Variants in COL8A1 observed in about 807,000 individuals in gnomAD.
The protein encoded by COL8A1 is collagen type VIII alpha 1 chain.
COL8A1 carries 21 observed loss-of-function variants against 42.7 expected under a neutral mutation model. The ratio of observed to expected loss-of-function variants is 0.49; its 90% confidence interval spans 0.35 to 0.71. COL8A1 has a LOEUF of 0.71. Ranked by LOEUF, COL8A1 falls within the 30% of genes least tolerant of loss-of-function variation. The pLI is 0.01. For synonymous variants in COL8A1, 367 were observed against 369.1 expected (o/e 0.99, Z 0.06); for missense variants, 788 against 962.4 (o/e 0.82, Z 2.40).
chr3:99,751,645 G>A (rs1201152043), intron 2 of COL8A1, among the ~76,000 whole-genome samples: 2 of 152,132 alleles, frequency 1.3e-5, no homozygotes, highest in African/African-American at 4.8e-5. Flanking sequence ...TCTTACTGAC[G>A]AAAAATTAGG....
intron 2 of COL8A1, among the ~76,000 whole-genome samples, chr3:99,786,903 T>C (rs1168617172): frequency 6.6e-6 from 1 of 152,136 alleles, no homozygotes; most frequent in Non-Finnish European, 1.5e-5. Flanking sequence ...CTGCCTGACT[T>C]TCCCTTGCTT....
chr3:99,683,545 T>C (rs1235590791), intron 1 of COL8A1, among the ~76,000 whole-genome samples: 1 of 152,172 alleles, frequency 6.6e-6, no homozygotes, highest in East Asian at 1.9e-4. Context: ...CCCTCATGAT[T>C]GTTTAAAACT....
At chr3:99,788,862 G>A (rs1941945165) in intron 2 of COL8A1, among the ~76,000 whole-genome samples, 1 of 152,082 alleles carries the variant, frequency 6.6e-6, no homozygotes, top group South Asian at 2.1e-4. Flanking sequence ...CAAACATAAG[G>A]GATTTTAGAT....
intron 2 of COL8A1, among the ~76,000 whole-genome samples, chr3:99,786,722 C>T (rs1941903451): frequency 6.6e-6 from 1 of 152,292 alleles, no homozygotes; most frequent in East Asian, 1.9e-4. Context: ...CTCTCTAATT[C>T]ACCACTGTAT....
intron 1 of COL8A1, among the ~76,000 whole-genome samples, chr3:99,673,294 T>G (rs1938599779): frequency 6.6e-6 from 1 of 152,092 alleles, no homozygotes; most frequent in Non-Finnish European, 1.5e-5. Context: ...TCACTTACTT[T>G]GATGCCAAAA....
At chr3:99,652,565 A>G (rs1937880135) in intron 1 of COL8A1, among the ~76,000 whole-genome samples, 1 of 152,236 alleles carries the variant, frequency 6.6e-6, no homozygotes, top group Non-Finnish European at 1.5e-5. Flanking sequence ...ACAAAATCAC[A>G]TCCAGAAATA....
intron 2 of COL8A1, among the ~76,000 whole-genome samples, chr3:99,787,182 A>G (rs1239967453): frequency 6.6e-6 from 1 of 152,228 alleles, no homozygotes; most frequent in Non-Finnish European, 1.5e-5. Context: ...GAGCATTTAA[A>G]ATATCTATCA....
chr3:99,791,092 T>C (rs1157970793), intron 3 of COL8A1, 82 bp downstream of exon 3: 13 of 1,248,432 alleles, frequency 1.0e-5, no homozygotes, highest in Non-Finnish European at 1.4e-5. Context: ...AAGATAAATT[T>C]TAGAAGCTTT....
intron 3 of COL8A1, among the ~76,000 whole-genome samples, chr3:99,791,589 C>T (rs903839074): frequency 6.6e-6 from 1 of 152,218 alleles, no homozygotes; most frequent in African/African-American, 2.4e-5. Flanking sequence ...AAAATCTCTC[C>T]TGTTGCTTTC....
chr3:99,664,324 T>C (rs1349314004), intron 1 of COL8A1, among the ~76,000 whole-genome samples: 1 of 152,096 alleles, frequency 6.6e-6, no homozygotes, highest in African/African-American at 2.4e-5. Context: ...ACAAGATATT[T>C]TTCTCCAATC....
At chr3:99,688,490 G>A (rs1362904561) in intron 1 of COL8A1, among the ~76,000 whole-genome samples, 10 of 151,970 alleles carry the variant, frequency 6.6e-5, no homozygotes. Context: ...AAGAACCCTG[G>A]TGATCAGATT....
intron 1 of COL8A1, chr3:99,679,231 A>T (rs1435534952): frequency 6.6e-6 from 1 of 152,246 alleles, no homozygotes; most frequent in Admixed American, 6.5e-5. Context: ...CCAGTTTAAG[A>T]ATATGAAATA....
At chr3:99,750,238 G>T (rs1197071607) in intron 2 of COL8A1, among the ~76,000 whole-genome samples, 1 of 151,588 alleles carries the variant, frequency 6.6e-6, no homozygotes, top group African/African-American at 2.4e-5. Flanking sequence ...TGTATTTTTA[G>T]TAGAGACAGG....
chr3:99,795,842 C>A lies in COL8A1; in HGVS notation c.1941C>A (p.Asn647Lys). ...KLLYNGRQNY[N>K]PQTGIFTCEV... ...TGTATAACGGCAGACAGAACTACAA[C>A]CCGCAGACAGGCATCTTCACCTGTG... The change falls in exon 4 of 4, where the codon AAC becomes AAA. Residue 647 changes from asparagine to lysine, a missense_variant. Asn to Lys is a moderately conservative substitution (Grantham distance 94). Transcript: ENST00000652472. 1 of 1,614,194 alleles carries A rather than the reference C, an allele frequency of 6.2e-7. No homozygotes were observed. Among genetic ancestry groups the A allele is most frequent in the East Asian group, 2.2e-5 (1 of 44,884 alleles).
At chr3:99,701,876 A>C (rs1939550498) in intron 1 of COL8A1, among the ~76,000 whole-genome samples, 1 of 152,202 alleles carries the variant, frequency 6.6e-6, no homozygotes, top group Admixed American at 6.5e-5. Context: ...AACTATGTCA[A>C]GTTTACATGA....
intron 1 of COL8A1, among the ~76,000 whole-genome samples, chr3:99,658,052 A>T (rs112921646): frequency 6.6e-6 from 1 of 150,556 alleles, no homozygotes; most frequent in Non-Finnish European, 1.5e-5. Context: ...ACTTGAACCC[A>T]GGAGGCGGAG....
Position 99,686,470 on chromosome 3 carries a change from A to G in COL8A1, c.-129+47806A>G, listed in dbSNP as rs1053730880. Among the ~76,000 whole-genome samples, 3 of 152,200 alleles carry G rather than the reference A, an allele frequency of 2.0e-5. No individual in the cohort carries two copies. In the South Asian group the frequency reaches 6.2e-4, roughly 32 times the overall value. ...CTGGGGAGAGGGTCTTATGAAAACCAGAAGTCAAAGAAATGCCTTCCTTAT... is the reference window on the plus strand; with the variant it reads ...CTGGGGAGAGGGTCTTATGAAAACCGGAAGTCAAAGAAATGCCTTCCTTAT... On this transcript the variant is annotated intron_variant, in intron 1 of 3. Transcript: ENST00000652472.
intron 1 of COL8A1, among the ~76,000 whole-genome samples, chr3:99,687,141 G>A (rs939915261): frequency 1.3e-5 from 2 of 152,192 alleles, no homozygotes; most frequent in Non-Finnish European, 2.9e-5. Context: ...ACGGCATCCG[G>A]CCTGTAACTG....
At chr3:99,784,831 G>C (rs183238203) in intron 2 of COL8A1, among the ~76,000 whole-genome samples, 162 of 152,272 alleles carry the variant, frequency 1.1e-3, no homozygotes, top group African/African-American at 3.7e-3. Flanking sequence ...AAACAATGTT[G>C]AGATAATGCT....
Sources: allele counts gnomAD v4.1 joint callset (sites outside exome capture counted in the v4.1 genomes callset), GRCh38; gene constraint gnomAD v4.1.1; transcripts MANE v1.5; gene names NCBI Gene and HGNC (gene_info 2026-07-23, HGNC 2026-07-21).